ZNF112: variants seen among roughly 807,000 people sequenced by gnomAD.
ZNF112 encodes zinc finger protein 112 (Y14).
A neutral mutation model predicts 77.7 loss-of-function variants in ZNF112; 37 were observed. The ratio of observed to expected loss-of-function variants is 0.48; its 90% CI spans 0.37 to 0.63. The LOEUF (loss-of-function observed/expected upper bound fraction) is 0.63, where lower values mean the gene tolerates loss of function less well. Ranked by LOEUF, ZNF112 falls within the 20% of genes least tolerant of loss-of-function variation. The pLI is 0.00. For synonymous variants in ZNF112, 333 were observed against 363.6 expected, an observed-to-expected ratio of 0.92 and a Z score of 0.96; for missense variants, 950 against 1,077.4, an observed-to-expected ratio of 0.88 and a Z score of 1.66.
At chr19:44,339,864 A>G (rs1187295034) in intron 2 of ZNF112, among the ~76,000 whole-genome samples, 1 of 152,148 alleles carries the variant, frequency 6.6e-6, no homozygotes, top group African/African-American at 2.4e-5. Context: ...AAAAACGGCC[A>G]TGGTATATTA....
upstream of ZNF112, among the ~76,000 whole-genome samples, chr19:44,357,934 C>T (rs148110042): frequency 9.3e-3 from 1,409 of 152,046 alleles, 23 homozygotes; most frequent in African/African-American, 0.032. Context: ...AAAATGCTCA[C>T]GGGGTCAGGA....
intron 1 of ZNF112, among the ~76,000 whole-genome samples, chr19:44,362,210 G>A (rs1390037130): frequency 6.6e-6 from 1 of 152,048 alleles, no homozygotes; most frequent in Non-Finnish European, 1.5e-5. Flanking sequence ...TTGGAAGGAG[G>A]AGAAGAAGAT....
At chr19:44,352,511 C>A (rs1970711681) in intron 1 of ZNF112, among the ~76,000 whole-genome samples, 1 of 151,696 alleles carries the variant, frequency 6.6e-6, no homozygotes, top group African/African-American at 2.4e-5. Flanking sequence ...TGTAGTGAGG[C>A]AAGGAAAAGA....
Position 44,347,661 on chromosome 19 carries a change from C to T in ZNF112, c.-3-7119G>A, listed in dbSNP as rs190153237. Reference sequence around the variant, plus strand: ...TTTTTGTAAAATGCAGATGCCTTACCAACAAATAGTTTCCTTTATCTCCCC... The same window carrying T: ...TTTTTGTAAAATGCAGATGCCTTACTAACAAATAGTTTCCTTTATCTCCCC... On this transcript the variant is annotated intron_variant, in intron 1 of 3. Transcript: ENST00000354340. Among the ~76,000 whole-genome samples the T allele has an allele frequency of 2.2e-4, 33 of 151,488 alleles. No homozygotes were observed. In the East Asian group the frequency reaches 4.6e-3, roughly 21 times the overall value.
At chr19:44,339,856 A>G (rs1970456554) in intron 2 of ZNF112, among the ~76,000 whole-genome samples, 1 of 152,150 alleles carries the variant, frequency 6.6e-6, no homozygotes, top group Non-Finnish European at 1.5e-5. Flanking sequence ...ATTTAGAGAA[A>G]AACGGCCATG....
chr19:44,338,324 C>T (rs927942743), intron 2 of ZNF112, among the ~76,000 whole-genome samples: 1 of 152,126 alleles, frequency 6.6e-6, no homozygotes, highest in Non-Finnish European at 1.5e-5. Context: ...TTGTAACTGT[C>T]ATGGTAAGGA....
Position 44,328,096 on chromosome 19 carries a change from G to A in ZNF112, c.2061C>T (p.Tyr687=), listed in dbSNP as rs771719878. ...AACTCTTACCACACTCATCACATTG[G>A]TATGGCTTCTCTCCCGTGTGGACCC... ...HQRVHTGEKP[Y]QCDECGKSFS... is the part of the protein sequence containing the mutation. The change falls in exon 4 of 4, where the codon TAC becomes TAT. Residue 687 remains tyrosine (Y), a synonymous_variant. Transcript: ENST00000354340. 1 of 1,613,822 alleles carries A rather than the reference G, an allele frequency of 6.2e-7. No individual in the cohort carries two copies. The highest frequency in any genetic ancestry group is 8.5e-7 in the Non-Finnish European group (1 of 1,179,964).
intron 1 of ZNF112, among the ~76,000 whole-genome samples, chr19:44,342,923 T>C (rs1970518729): frequency 6.6e-6 from 1 of 151,964 alleles, no homozygotes; most frequent in Non-Finnish European, 1.5e-5. Context: ...CGGATAAAAA[T>C]TCAAAATTGT....
chr19:44,356,102 C>T (rs1970781604), intron 1 of ZNF112, among the ~76,000 whole-genome samples: 1 of 152,192 alleles, frequency 6.6e-6, no homozygotes, highest in South Asian at 2.1e-4. Flanking sequence ...CAGGGATACT[C>T]TGCAGCTGGA....
intron 2 of ZNF112, among the ~76,000 whole-genome samples, chr19:44,338,811 C>T (rs1253021389): frequency 3.3e-5 from 5 of 152,074 alleles, no homozygotes; most frequent in Admixed American, 1.3e-4. Flanking sequence ...GCCTGTAATC[C>T]CAGCACTTTG....
chr19:44,341,101 A>G (rs1970481367), intron 1 of ZNF112: 4 of 453,712 alleles, frequency 8.8e-6, no homozygotes, highest in Non-Finnish European at 1.8e-5. Flanking sequence ...TTGTATGGTG[A>G]AACTTATACC....
chr19:44,328,664 T>C lies in ZNF112; in HGVS notation c.1493A>G (p.Asn498Ser), dbSNP rs760356052. The C allele has an allele frequency of 1.9e-6, 3 of 1,614,170 alleles. No homozygotes were observed. In the South Asian group the frequency reaches 3.3e-5, roughly 18 times the overall value. ...IGEKPRKEHG[N>S]GFNWSSKLKD... ...AAGTTTTGAGCTCCAGTTGAAGCCA[T>C]TCCCATGCTCCTTACGTGGTTTCTC... Residue 498 changes from asparagine (N) to serine (S), a missense_variant, in exon 4 of 4, where the codon AAT (asparagine) becomes AGT (serine). This residue lies in a region of ZNF112 where 560 missense variants were observed against 557.3 expected (regional missense o/e 1.00). Coordinates refer to ENST00000354340, the MANE Select transcript of ZNF112 (RefSeq NM_013380.4).
intron 1 of ZNF112, among the ~76,000 whole-genome samples, chr19:44,342,364 AAAT>A (rs1450634838): frequency 6.6e-6 from 1 of 152,188 alleles, no homozygotes; most frequent in Non-Finnish European, 1.5e-5. Flanking sequence ...ACTTAGGAGA[AAAT>A]ATTTTTAGTT....
rs1159787745 is a variant in ZNF112, at chr19:44,328,913, C to T, written c.1244G>A (p.Gly415Glu). The T allele has an allele frequency of 6.2e-7, 1 of 1,613,952 alleles. No individual in the cohort carries two copies. Among genetic ancestry groups the T allele is most frequent in the Middle Eastern group, 1.7e-4 (1 of 6,056 alleles). The change falls in exon 4 of 4, where the codon GGA (glycine) becomes GAA (glutamate). Residue 415 changes from glycine to glutamate, a missense_variant. By Grantham distance (98) the Gly-to-Glu change is moderately conservative. Around this residue, in one of 3 missense-constraint regions of ZNF112, gnomAD observed 560 missense variants for 557.3 expected, o/e 1.00. Transcript: ENST00000354340. ...ATTTGAACTACAAATGAAACTCTTT[C>T]CATACTCTATATCTGTGTATAGTTT... ...EEKLYTDIEY[G>E]KSFICSSNLD... is the part of the protein sequence containing the mutation.
At chr19:44,354,213 G>T (rs1276154553) in intron 1 of ZNF112, among the ~76,000 whole-genome samples, 1 of 152,078 alleles carries the variant, frequency 6.6e-6, no homozygotes, top group Non-Finnish European at 1.5e-5. Context: ...TTACAGGTAT[G>T]GTGAGGGGTA....
chr19:44,336,375 C>T (rs911099605), intron 3 of ZNF112, among the ~76,000 whole-genome samples: 2 of 152,108 alleles, frequency 1.3e-5, no homozygotes, highest in Non-Finnish European at 2.9e-5. Flanking sequence ...TCTGAGGGGG[C>T]AATCATGGGG....
At chr19:44,334,146 A>C (rs191124696) in intron 3 of ZNF112, among the ~76,000 whole-genome samples, 64 of 152,338 alleles carry the variant, frequency 4.2e-4, no homozygotes, top group African/African-American at 1.5e-3. Flanking sequence ...ACATTTTCCC[A>C]ACATTGGTGC....
chr19:44,351,607 A>G (rs1430127124), intron 1 of ZNF112, among the ~76,000 whole-genome samples: 1 of 152,092 alleles, frequency 6.6e-6, no homozygotes, highest in Non-Finnish European at 1.5e-5. Context: ...TGTCAATTAA[A>G]GTTTCCTCTC....
Position 44,328,358 on chromosome 19 carries a change from T to C in ZNF112, c.1799A>G (p.Glu600Gly), listed in dbSNP as rs141880260. 2.2e-5 allele frequency: 36 copies of C among 1,613,848 alleles called. No individual in the cohort carries two copies. Among genetic ancestry groups the C allele is most frequent in the Non-Finnish European group, 3.0e-5 (35 of 1,179,992 alleles). ...ACACTCCTCACACTTGTATGGTTTT[T>C]CTCCAGTGTGAACTCTCTGATGGCC... ...LQGHQRVHTG[E>G]KPYKCEECGK... is the part of the protein sequence containing the mutation. Residue 600 changes from glutamate (E) to glycine (G), a missense_variant, in exon 4 of 4, where the codon GAA (glutamate) becomes GGA (glycine). Transcript: ENST00000354340.
Sources: allele counts gnomAD v4.1 joint callset (sites outside exome capture counted in the v4.1 genomes callset), GRCh38; gene constraint gnomAD v4.1.1; regional missense constraint gnomAD v4.1.1; transcripts MANE v1.5; gene names NCBI Gene and HGNC (gene_info 2026-07-23, HGNC 2026-07-21).